Variants in CRADD observed in about 807,000 individuals in gnomAD.
CRADD encodes the protein CARD and death domain containing adaptor protein.
Under a neutral mutation model 15.5 loss-of-function variants are expected in CRADD, and 9 were observed. The observed-to-expected ratio is 0.58, with a 90% confidence interval of 0.35 to 1.01. The LOEUF is 1.01. CRADD is among the 50% of genes least tolerant of loss of function. CRADD has a pLI of 0.02. For missense variants in CRADD, 227 were observed against 250.3 expected (o/e 0.91, Z 0.63); for synonymous variants, 118 against 107.6 (o/e 1.10, Z -0.60).
intron 2 of CRADD, among the ~76,000 whole-genome samples, chr12:93,859,830 T>C (rs1428042109): frequency 6.6e-6 from 1 of 151,906 alleles, no homozygotes; most frequent in Non-Finnish European, 1.5e-5. Context: ...GCTCTAGTGA[T>C]CTACCTCAGC....
intron 2 of CRADD, among the ~76,000 whole-genome samples, chr12:93,683,045 A>T (rs767985402): frequency 6.6e-6 from 1 of 152,110 alleles, no homozygotes; most frequent in Non-Finnish European, 1.5e-5. Context: ...GTCATTTAGG[A>T]GATAGGGACA....
chr12:93,709,317 CAT>C (rs953260694), intron 2 of CRADD, among the ~76,000 whole-genome samples: 75 of 152,250 alleles, frequency 4.9e-4, no homozygotes, highest in African/African-American at 1.7e-3. Flanking sequence ...GGTAGGTAAA[CAT>C]GTGTCACAGA....
chr12:93,716,431 A>C (rs1193628552), intron 2 of CRADD, among the ~76,000 whole-genome samples: 1 of 152,154 alleles, frequency 6.6e-6, no homozygotes, highest in Non-Finnish European at 1.5e-5. Flanking sequence ...GATATTGTAC[A>C]TCCTATGGGT....
intron 2 of CRADD, chr12:93,708,568 C>T (rs1955999260): frequency 6.6e-6 from 1 of 152,254 alleles, no homozygotes; most frequent in Non-Finnish European, 1.5e-5. Flanking sequence ...TTTCTCACTT[C>T]CATCAGATCT....
chr12:93,826,451 T>C (rs1198339878), intron 2 of CRADD, among the ~76,000 whole-genome samples: 2 of 152,240 alleles, frequency 1.3e-5, no homozygotes, highest in Admixed American at 1.3e-4. Context: ...CGGAGAGATG[T>C]CAGGATCCCA....
At chr12:93,842,813 C>CG (rs1958064379) in intron 2 of CRADD, among the ~76,000 whole-genome samples, 1 of 11,346 alleles carries the variant, frequency 8.8e-5, no homozygotes, top group Non-Finnish European at 1.7e-4. Flanking sequence ...TAAGTCAGGG[C>CG]GGGGGTGGGG....
intron 2 of CRADD, among the ~76,000 whole-genome samples, chr12:93,830,095 G>T (rs1421642349): frequency 1.3e-5 from 2 of 152,148 alleles, no homozygotes; most frequent in Non-Finnish European, 2.9e-5. Flanking sequence ...GGTTCTAGAG[G>T]CTCCTGCTTC....
intron 2 of CRADD, among the ~76,000 whole-genome samples, chr12:93,887,554 G>T (rs1425642381): frequency 6.6e-6 from 1 of 152,240 alleles, no homozygotes; most frequent in African/African-American, 2.4e-5. Flanking sequence ...AGGAAGCAGA[G>T]AAGTTAGCAA....
Position 93,838,550 on chromosome 12 carries a change from CTCTCTT to C in CRADD, c.299-11414_299-11409del, listed in dbSNP as rs1241645344. ...CCTTCCTTCCCTTCCTCCCTTGCTTCTCTCTTTCTCTCTCTTTTTTTTTTTTTTCCT... is the reference window on the plus strand; with the variant it reads ...CCTTCCTTCCCTTCCTCCCTTGCTTCTCTCTCTCTTTTTTTTTTTTTTCCT... On this transcript the variant is annotated intron_variant, in intron 2 of 2. Coordinates refer to ENST00000332896, the MANE Select transcript of CRADD (RefSeq NM_003805.5). Among the ~76,000 whole-genome samples the C allele has an allele frequency of 6.9e-5, 8 of 115,558 alleles. No homozygotes were observed. The East Asian group carries it at 2.5e-3, about 36-fold the overall frequency. 75.8% of individuals were successfully genotyped at this position (115,558 alleles called of 152,430 possible). A position where few individuals can be genotyped will look rare whatever the true frequency, so the allele number is the denominator to read the frequency against.
At chr12:93,707,933 T>C (rs1444212530) in intron 2 of CRADD, 2 of 152,236 alleles carry the variant, frequency 1.3e-5, no homozygotes, top group Non-Finnish European at 2.9e-5. Flanking sequence ...TAATTCATTC[T>C]AGTCATTTGA....
At chr12:93,862,535 A>T (rs1958326840) in intron 2 of CRADD, among the ~76,000 whole-genome samples, 1 of 152,104 alleles carries the variant, frequency 6.6e-6, no homozygotes, top group Non-Finnish European at 1.5e-5. Flanking sequence ...CCAGAAGTGA[A>T]GATGGTTAGG....
chr12:93,691,250 G>C (rs12299420), intron 2 of CRADD, among the ~76,000 whole-genome samples: 6,480 of 130,624 alleles, frequency 0.05, 424 homozygotes, highest in African/African-American at 0.2. Flanking sequence ...ATTTTCTTTT[G>C]TTTTCTTTTT....
At chr12:93,788,437 C>A (rs1043669009) in intron 2 of CRADD, among the ~76,000 whole-genome samples, 4 of 152,164 alleles carry the variant, frequency 2.6e-5, no homozygotes, top group Non-Finnish European at 5.9e-5. Flanking sequence ...GGTGGGGACA[C>A]AGCCAACCCG....
At chr12:93,751,002 C>T (rs1956822478) in intron 2 of CRADD, among the ~76,000 whole-genome samples, 1 of 152,186 alleles carries the variant, frequency 6.6e-6, no homozygotes, top group South Asian at 2.1e-4. Flanking sequence ...TCAGGGAATG[C>T]TCTCACTGAA....
chr12:93,818,975 A>C (rs1957739888), intron 2 of CRADD, among the ~76,000 whole-genome samples: 1 of 152,270 alleles, frequency 6.6e-6, no homozygotes. Context: ...GATCAGCAGC[A>C]AGAAAGAACA....
intron 2 of CRADD, among the ~76,000 whole-genome samples, chr12:93,717,437 T>C (rs555830207): frequency 6.6e-6 from 1 of 152,346 alleles, no homozygotes; most frequent in African/African-American, 2.4e-5. Context: ...ACCTAAAAAG[T>C]CATCACCATA....
At chr12:93,831,641 A>G (rs562151244) in intron 2 of CRADD, among the ~76,000 whole-genome samples, 1 of 152,366 alleles carries the variant, frequency 6.6e-6, no homozygotes, top group South Asian at 2.1e-4. Flanking sequence ...TTCCTACCAG[A>G]CATTGTGCTA....
rs563101067 is a variant in CRADD at position 93,711,026 on chromosome 12, C to T, written c.298+31954C>T. On this transcript the variant is annotated intron_variant, in intron 2 of 2. Coordinates refer to ENST00000332896, the MANE Select transcript of CRADD (RefSeq NM_003805.5). ...CTGAAGATGATCATTGATTGACTGCCCCCCTCCACCCCACCCTCCCACCCC... is the reference window on the plus strand; with the variant it reads ...CTGAAGATGATCATTGATTGACTGCTCCCCTCCACCCCACCCTCCCACCCC... Among the ~76,000 whole-genome samples the T allele has an allele frequency of 5.7e-4, 73 of 127,784 alleles. 2 individuals are homozygous for T. The highest frequency in any genetic ancestry group is 2.3e-3 in the Admixed American group (28 of 12,144). The allele number at this position is 127,784 out of a possible 152,430, so 83.8% of individuals were successfully genotyped here. A position where few individuals can be genotyped will look rare whatever the true frequency, so the allele number is the denominator to read the frequency against.
chr12:93,837,570 T>C (rs1485117280), intron 2 of CRADD: 1 of 151,632 alleles, frequency 6.6e-6, no homozygotes, highest in Non-Finnish European at 1.5e-5. Flanking sequence ...GCGGTTTCCA[T>C]GTGTGATCTT....
Sources: gnomAD v4.1 joint callset for allele counts (sites outside exome capture counted in the v4.1 genomes callset) on GRCh38, gnomAD v4.1.1 for gene constraint, MANE v1.5 for transcripts, NCBI Gene and HGNC (gene_info 2026-07-23, HGNC 2026-07-21) for gene names.